ASH1L: variants seen among roughly 807,000 people sequenced by gnomAD.
ASH1L encodes the protein histone-lysine N-methyltransferase ASH1L.
Under a neutral mutation model 269.0 loss-of-function variants are expected in ASH1L, and 23 were observed. The ratio of observed to expected loss-of-function variants is 0.09; its 90% CI spans 0.06 to 0.12. The LOEUF (loss-of-function observed/expected upper bound fraction) is 0.12, where lower values mean the gene tolerates loss of function less well. Ranked by LOEUF, ASH1L falls within the 10% of genes least tolerant of loss-of-function variation. The pLI is 1.00. For missense variants in ASH1L, 2,912 were observed against 3,567.8 expected, an observed-to-expected ratio of 0.82 and a Z score of 4.68; for synonymous variants, 1,187 against 1,253.5, an observed-to-expected ratio of 0.95 and a Z score of 1.12.
chr1:155,405,046 GAATAAAAATAAAAA>G (rs1387416050), intron 6 of ASH1L, among the ~76,000 whole-genome samples: 5 of 148,250 alleles, frequency 3.4e-5, no homozygotes, highest in African/African-American at 9.9e-5. Flanking sequence ...AATAATAATA[GAATAAAAATAAAAA>G]AATAAAAATA....
chr1:155,458,410 C>T (rs568421927), intron 4 of ASH1L, among the ~76,000 whole-genome samples: 3 of 152,274 alleles, frequency 2.0e-5, no homozygotes, highest in African/African-American at 7.2e-5. Flanking sequence ...ACGTTTCCAG[C>T]CTCATATTAA....
At chr1:155,414,992 C>A (rs762807427) in intron 6 of ASH1L, among the ~76,000 whole-genome samples, 1 of 152,092 alleles carries the variant, frequency 6.6e-6, no homozygotes, top group East Asian at 1.9e-4. Context: ...TGGAACACAG[C>A]GTCCAATCAG....
At chr1:155,537,656 C>T (rs182892698) in intron 1 of ASH1L, among the ~76,000 whole-genome samples, 11 of 152,046 alleles carry the variant, frequency 7.2e-5, no homozygotes, top group East Asian at 3.9e-4. Context: ...AATTCGAAAA[C>T]GAACTATAAA....
At chr1:155,513,007 G>A (rs992190504) in intron 2 of ASH1L, among the ~76,000 whole-genome samples, 1 of 151,708 alleles carries the variant, frequency 6.6e-6, no homozygotes, top group African/African-American at 2.4e-5. Context: ...AGGCTACAGT[G>A]AGCCTAATCA....
intron 12 of ASH1L, among the ~76,000 whole-genome samples, chr1:155,366,432 C>A (rs994138779): frequency 1.4e-4 from 21 of 152,136 alleles, no homozygotes; most frequent in African/African-American, 5.1e-4. Context: ...CTCGGGGCTG[C>A]TCTGTTTATG....
At position 155,415,858 on chromosome 1, in the gene ASH1L, T is replaced by G; in HGVS notation, c.5894A>C (p.Glu1965Ala). 1 of 1,613,798 alleles carries G rather than the reference T, an allele frequency of 6.2e-7. No individual in the cohort carries two copies. Among genetic ancestry groups the G allele is most frequent in the Non-Finnish European group, 8.5e-7 (1 of 1,179,954 alleles). ...SETPAKPSEP[E>A]STLQPVLSLI... is the part of the protein sequence containing the mutation. ...AGAAAGCACAGGCTGCAAGGTACTT[T>G]CAGGTTCAGAAGGTTTAGCTGGGGT... Residue 1965 changes from glutamate (E) to alanine (A), a missense_variant, in exon 6 of 28, where the codon GAA (glutamate) becomes GCA (alanine). Physicochemically the swap from Glu to Ala is moderately radical, Grantham distance 107 (BLOSUM62 -1). Coordinates refer to ENST00000392403, the MANE Select transcript of ASH1L (RefSeq NM_018489.3).
intron 3 of ASH1L, among the ~76,000 whole-genome samples, chr1:155,471,165 T>A (rs1411960446): frequency 6.6e-6 from 1 of 152,218 alleles, no homozygotes; most frequent in East Asian, 1.9e-4. Context: ...GTGAAGAAGA[T>A]GGAGAGATTC....
At chr1:155,390,672 G>A (rs1326927057) in intron 7 of ASH1L, among the ~76,000 whole-genome samples, 1 of 134,850 alleles carries the variant, frequency 7.4e-6, no homozygotes, top group East Asian at 2.2e-4. Flanking sequence ...TTGAGACGGA[G>A]TCTCGCTCTG....
intron 5 of ASH1L, among the ~76,000 whole-genome samples, chr1:155,423,516 C>T (rs1660888826): frequency 1.3e-5 from 2 of 151,936 alleles, no homozygotes; most frequent in African/African-American, 4.8e-5. Context: ...TTGCAGTGAG[C>T]CAAGATCGTG....
At chr1:155,388,921 T>A (rs921267915) in intron 7 of ASH1L, among the ~76,000 whole-genome samples, 1 of 151,564 alleles carries the variant, frequency 6.6e-6, no homozygotes, top group Admixed American at 6.6e-5. Context: ...ATTGCCTAAG[T>A]TGGTCTCAAA....
intron 2 of ASH1L, among the ~76,000 whole-genome samples, chr1:155,494,921 G>C (rs950546221): frequency 6.6e-6 from 1 of 151,570 alleles, no homozygotes; most frequent in African/African-American, 2.4e-5. Flanking sequence ...AGCCAGAAAA[G>C]AATAAGGAAA....
chr1:155,349,268 C>T (rs964068413), intron 19 of ASH1L, 59 bp downstream of exon 19: 1 of 1,569,048 alleles, frequency 6.4e-7, no homozygotes, highest in African/African-American at 1.4e-5. Flanking sequence ...TCTTAAACTT[C>T]TAGACTAATT....
chr1:155,416,072 C>G, intron 5 of ASH1L, 149 bp from the exon 6 acceptor site: 1 of 569,758 alleles, frequency 1.8e-6, no homozygotes, highest in Non-Finnish European at 2.9e-6. Context: ...TGGTACCAGA[C>G]TTCTCCTGAC....
In ASH1L at chr1:155,478,495, G is replaced by A. The variant is rs2148720434; in HGVS notation, c.4375C>T (p.Pro1459Ser). The change falls in exon 3 of 28, where the codon CCC becomes TCC. Residue 1459 changes from proline (P) to serine (S), a missense_variant. Physicochemically the swap from Pro to Ser is moderately conservative, Grantham distance 74. Around this residue, in one of 13 missense-constraint regions of ASH1L, gnomAD observed 789 missense variants for 897.6 expected, o/e 0.88. Coordinates refer to ENST00000392403, the MANE Select transcript of ASH1L (RefSeq NM_018489.3). The surrounding 1 kb of genome is among the most constrained non-coding windows in gnomAD (Gnocchi z 4.6). ...GGGTAGGTACTCATGGAAAGGAGGGGAGTCCTGCTGGTTGTAAGAAAGGCC... is the reference window on the plus strand; with the variant it reads ...GGGTAGGTACTCATGGAAAGGAGGGAAGTCCTGCTGGTTGTAAGAAAGGCC... ...QEAFLTTSRTPLLSMSTYPSV... is the reference protein window; with the variant it reads ...QEAFLTTSRTSLLSMSTYPSV... The A allele has an allele frequency of 6.2e-7, 1 of 1,614,134 alleles. No individual in the cohort carries two copies. Among genetic ancestry groups the A allele is most frequent in the Non-Finnish European group, 8.5e-7 (1 of 1,180,032 alleles).
intron 1 of ASH1L, among the ~76,000 whole-genome samples, chr1:155,546,125 G>A (rs1012849552): frequency 1.5e-5 from 2 of 136,490 alleles, no homozygotes; most frequent in Admixed American, 1.6e-4. Flanking sequence ...GCCACTGCAC[G>A]CCAGCTTGGG....
chr1:155,392,610 T>A (rs1456199928), intron 7 of ASH1L, among the ~76,000 whole-genome samples: 2 of 152,132 alleles, frequency 1.3e-5, no homozygotes, highest in Non-Finnish European at 2.9e-5. Context: ...TGCCTCAGCC[T>A]CTTGAGGAGC....
At chr1:155,456,178 T>A (rs1382931404) in intron 4 of ASH1L, among the ~76,000 whole-genome samples, 1 of 152,208 alleles carries the variant, frequency 6.6e-6, no homozygotes, top group African/African-American at 2.4e-5. Flanking sequence ...AGTTCAGTCA[T>A]ACTGTAAGAA....
chr1:155,538,694 G>A (rs1670227356), intron 1 of ASH1L, among the ~76,000 whole-genome samples: 2 of 146,090 alleles, frequency 1.4e-5, no homozygotes, highest in Admixed American at 7.0e-5. Context: ...CTGGCCTGGG[G>A]TACAGTGGCA....
chr1:155,380,044 T>C lies in ASH1L; in HGVS notation c.6176A>G (p.Gln2059Arg). 3 of 1,609,598 alleles carry C rather than the reference T, an allele frequency of 1.9e-6. No homozygotes were observed. Among genetic ancestry groups the C allele is most frequent in the Non-Finnish European group, 2.6e-6 (3 of 1,176,248 alleles). The change falls in exon 8 of 28, where the codon CAG (glutamine) becomes CGG (arginine). Residue 2059 changes from glutamine to arginine, a missense_variant and splice_region_variant. Physicochemically the swap from Gln to Arg is conservative, Grantham distance 43. Coordinates refer to ENST00000392403, the MANE Select transcript of ASH1L (RefSeq NM_018489.3). ...CCTGGTAAAACAGGCTCTCTGTACC[T>C]GATTGTGTTTCCACTGCCAAAGGAT... The part of the protein sequence containing the change: ...YDILWQWKHN[Q>R]LYKKPDVPLY...
Sources: allele counts gnomAD v4.1 joint callset (sites outside exome capture counted in the v4.1 genomes callset), GRCh38; gene constraint gnomAD v4.1.1; regional missense constraint gnomAD v4.1.1; non-coding constraint Gnocchi (gnomAD v3.1); transcripts MANE v1.5; gene names NCBI Gene and HGNC (gene_info 2026-07-23, HGNC 2026-07-21).